The following MSRB3 variants were observed in gnomAD, a reference collection of about 807,000 sequenced individuals.
MSRB3 encodes the protein methionine sulfoxide reductase B3.
A neutral mutation model predicts 21.0 loss-of-function variants in MSRB3; 13 were observed. The ratio of observed to expected loss-of-function variants is 0.62; its 90% CI spans 0.40 to 0.98. MSRB3 has a LOEUF of 0.98. Ranked by LOEUF, MSRB3 falls within the 50% of genes least tolerant of loss-of-function variation. The probability of loss-of-function intolerance (pLI) is 0.00; values close to 1 mark genes in which losing one functional copy is unlikely to be tolerated. For missense variants in MSRB3, 199 were observed against 230.3 expected (o/e 0.86, Z 0.88); for synonymous variants, 87 against 88.6 (o/e 0.98, Z 0.10).
intron 5 of MSRB3, among the ~76,000 whole-genome samples, chr12:65,384,649 T>G (rs1023840184): frequency 6.6e-6 from 1 of 152,166 alleles, no homozygotes. Context: ...TGTTTTACCT[T>G]ATCAAATTGT....
chr12:65,390,858 A>G (rs1008057482), intron 5 of MSRB3, among the ~76,000 whole-genome samples: 1 of 152,242 alleles, frequency 6.6e-6, no homozygotes, highest in African/African-American at 2.4e-5. Flanking sequence ...GTTTTCTATA[A>G]TTTTCTAGTT....
rs923802314 is a variant in MSRB3 at position 65,448,860 on chromosome 12, G to A, written c.293-4868G>A. ...GGGTATGGAAGAATTGACAGGGAAT[G>A]TCTCATTATGAGCCATCTTGTTTGA... On this transcript the variant is annotated intron_variant, in intron 5 of 6. Coordinates refer to ENST00000308259, the MANE Select transcript of MSRB3 (RefSeq NM_001031679.3). 3.6e-4 allele frequency among the ~76,000 whole-genome samples: 55 copies of A among 152,234 alleles called. 1 individual carries two copies. Among genetic ancestry groups the A allele is most frequent in the Admixed American group, 2.9e-3 (44 of 15,298 alleles).
intron 1 of MSRB3, chr12:65,306,986 T>C (rs556611986): frequency 2.0e-6 from 2 of 985,902 alleles, no homozygotes; most frequent in East Asian, 2.3e-4. Context: ...AGACGTTTTA[T>C]GGTCAGCTGT....
intron 5 of MSRB3, among the ~76,000 whole-genome samples, chr12:65,425,523 G>A (rs1881555009): frequency 6.6e-6 from 1 of 151,732 alleles, no homozygotes; most frequent in Non-Finnish European, 1.5e-5. Flanking sequence ...ATCTACTGTA[G>A]CTTTTTGTTT....
intron 4 of MSRB3, among the ~76,000 whole-genome samples, chr12:65,349,822 T>C (rs1303239742): frequency 6.6e-6 from 1 of 151,924 alleles, no homozygotes; most frequent in Non-Finnish European, 1.5e-5. Flanking sequence ...CTTTGTCAGA[T>C]AAGTAGGTTG....
chr12:65,410,030 A>G lies in MSRB3; in HGVS notation c.292+41004A>G, dbSNP rs760266642. ...TCAATATTGAATATTTTCATTCTTT[A>G]TGATATCTGGCGTGTTGTATTTGAA... On this transcript the variant is annotated intron_variant, in intron 5 of 6. Transcript: ENST00000308259. 2.0e-5 allele frequency among the ~76,000 whole-genome samples: 3 copies of G among 151,844 alleles called. No individual in the cohort carries two copies. In the South Asian group the frequency reaches 6.2e-4, roughly 32 times the overall value.
chr12:65,338,124 A>G (rs914878656), intron 4 of MSRB3, among the ~76,000 whole-genome samples: 1 of 152,232 alleles, frequency 6.6e-6, no homozygotes, highest in African/African-American at 2.4e-5. Flanking sequence ...AAGATGGCGG[A>G]AATGTAAATA....
chr12:65,279,343 G>T (rs1236890239), intron 1 of MSRB3: 1 of 152,744 alleles, frequency 6.5e-6, no homozygotes, highest in Non-Finnish European at 1.5e-5. Context: ...TTTTCGCCGC[G>T]CGCCTCGGAG....
intron 5 of MSRB3, chr12:65,419,207 A>G: frequency 1.4e-6 from 1 of 711,846 alleles, no homozygotes; most frequent in Non-Finnish European, 2.6e-6. Context: ...ATCTGCTGAG[A>G]CCAGTATTTG....
intron 1 of MSRB3, among the ~76,000 whole-genome samples, chr12:65,299,120 A>G (rs1354608269): frequency 6.6e-6 from 1 of 152,182 alleles, no homozygotes; most frequent in Admixed American, 6.5e-5. Flanking sequence ...TTTTAAAATC[A>G]TTATTCTAGT....
At position 65,291,827 on chromosome 12, in the gene MSRB3, G is replaced by A. The variant is rs190360686; in HGVS notation, c.-52+12962G>A. On this transcript the variant is annotated intron_variant, in intron 1 of 6. Coordinates refer to ENST00000308259, the MANE Select transcript of MSRB3 (RefSeq NM_001031679.3). Reference sequence around the variant, plus strand: ...ATATGGGGCTTTTAGATCATTATGAGGAGTTTAGATAGTGTTCTGTGTGAT... The same window carrying A: ...ATATGGGGCTTTTAGATCATTATGAAGAGTTTAGATAGTGTTCTGTGTGAT... Among the ~76,000 whole-genome samples, 586 of 152,286 alleles carry A rather than the reference G, an allele frequency of 3.8e-3. 1 individual carries two copies. The highest frequency in any genetic ancestry group is 0.013 in the African/African-American group (549 of 41,552).
chr12:65,407,466 G>C (rs1880477605), intron 5 of MSRB3, among the ~76,000 whole-genome samples: 1 of 151,380 alleles, frequency 6.6e-6, no homozygotes, highest in Non-Finnish European at 1.5e-5. Context: ...TTCCCTTCTA[G>C]CTTCTTTCAA....
chr12:65,371,585 G>GTT (rs1878330249), intron 5 of MSRB3, among the ~76,000 whole-genome samples: 1 of 151,358 alleles, frequency 6.6e-6, no homozygotes, highest in African/African-American at 2.4e-5. Context: ...GTGTGTGTGT[G>GTT]TGTGTGTGTG....
Position 65,281,408 on chromosome 12 carries a change from A to T in MSRB3, c.-52+2543A>T, listed in dbSNP as rs1160638119. Among the ~76,000 whole-genome samples the T allele has an allele frequency of 1.3e-5, 2 of 152,138 alleles. 1 individual carries two copies. The highest frequency in any genetic ancestry group is 4.1e-4 in the South Asian group (2 of 4,826). On this transcript the variant is annotated intron_variant, in intron 1 of 6. Coordinates refer to ENST00000308259, the MANE Select transcript of MSRB3 (RefSeq NM_001031679.3). ...GTAACTCTTCAGAGCCACCTACTAC[A>T]TGTGGTTCAAACTTCTGATTGTCAG...
chr12:65,455,812 C>T (rs770347830), intron 6 of MSRB3, among the ~76,000 whole-genome samples: 12 of 152,144 alleles, frequency 7.9e-5, no homozygotes, highest in Non-Finnish European at 1.5e-5. Flanking sequence ...TCTTGGCTCA[C>T]GGCAACCTCC....
intron 1 of MSRB3, among the ~76,000 whole-genome samples, chr12:65,292,772 G>A (rs1023715309): frequency 2.0e-5 from 3 of 152,174 alleles, no homozygotes; most frequent in Non-Finnish European, 4.4e-5. Flanking sequence ...GGAAAGAAGA[G>A]TAGTGTGGTG....
intron 6 of MSRB3, chr12:65,454,388 C>T (rs1180707717): frequency 6.6e-6 from 1 of 152,194 alleles, no homozygotes; most frequent in Non-Finnish European, 1.5e-5. Context: ...GGAAAAATAT[C>T]ATCTTCAATT....
intron 2 of MSRB3, among the ~76,000 whole-genome samples, chr12:65,313,171 A>C (rs886324099): frequency 6.6e-6 from 1 of 152,100 alleles, no homozygotes; most frequent in African/African-American, 2.4e-5. Flanking sequence ...AAGACTTAAG[A>C]ACTCTGGCCC....
Position 65,333,098 on chromosome 12 carries a change from G to A in MSRB3, c.263+4495G>A, listed in dbSNP as rs988438204. Among the ~76,000 whole-genome samples the A allele has an allele frequency of 3.2e-4, 49 of 152,230 alleles. 1 individual carries two copies. Among genetic ancestry groups the A allele is most frequent in the Admixed American group, 2.2e-3 (34 of 15,294 alleles). ...TTTATTGCACATCAGATAAACCAAAGAAAACACTGGGAAAATAATTCAGAA... is the reference window on the plus strand; with the variant it reads ...TTTATTGCACATCAGATAAACCAAAAAAAACACTGGGAAAATAATTCAGAA... On this transcript the variant is annotated intron_variant, in intron 4 of 6. Transcript: ENST00000308259.
Sources: gnomAD v4.1 joint callset for allele counts (sites outside exome capture counted in the v4.1 genomes callset) on GRCh38, gnomAD v4.1.1 for gene constraint, MANE v1.5 for transcripts, NCBI Gene and HGNC (gene_info 2026-07-23, HGNC 2026-07-21) for gene names.